MAD1L1: variants seen among roughly 807,000 people sequenced by gnomAD.
MAD1L1 encodes the protein mitotic spindle assembly checkpoint protein MAD1.
Under a neutral mutation model 96.9 loss-of-function variants are expected in MAD1L1, and 95 were observed. The ratio of observed to expected loss-of-function variants is 0.98; its 90% CI spans 0.83 to 1.16. The LOEUF is 1.16. Ranked by LOEUF, MAD1L1 falls within the 50% of genes most tolerant of loss-of-function variation. The probability of loss-of-function intolerance (pLI) is 0.00; values close to 1 mark genes in which losing one functional copy is unlikely to be tolerated. For synonymous variants in MAD1L1, 473 were observed against 396.6 expected, an observed-to-expected ratio of 1.19 and a Z score of -2.29; for missense variants, 1,007 against 954.4, an observed-to-expected ratio of 1.06 and a Z score of -0.73.
At chr7:1,901,793 G>C (rs1043735377) in intron 17 of MAD1L1, among the ~76,000 whole-genome samples, 1 of 152,180 alleles carries the variant, frequency 6.6e-6, no homozygotes, top group African/African-American at 2.4e-5. Flanking sequence ...TGCCTTCCCT[G>C]CCCGGGGATG....
chr7:1,949,643 G>A (rs984146450), intron 16 of MAD1L1, among the ~76,000 whole-genome samples: 28 of 152,214 alleles, frequency 1.8e-4, no homozygotes, highest in African/African-American at 6.5e-4. Flanking sequence ...ACAGGCACCG[G>A]CAGGGCCCTG....
chr7:2,161,265 C>A (rs1790107044), intron 10 of MAD1L1, among the ~76,000 whole-genome samples: 1 of 151,830 alleles, frequency 6.6e-6, no homozygotes, highest in South Asian at 2.1e-4. Context: ...CGCCGCCAAG[C>A]CTGACTGGTT....
At chr7:2,175,493 C>CAAAAA (rs143638196) in intron 10 of MAD1L1, 2 of 90,930 alleles carry the variant, frequency 2.2e-5, no homozygotes, top group African/African-American at 3.8e-5. Context: ...GAACCTTTGC[C>CAAAAA]AAAAAAAAAA....
chr7:1,904,482 C>T (rs1483791585), intron 17 of MAD1L1, among the ~76,000 whole-genome samples: 7 of 126,366 alleles, frequency 5.5e-5, no homozygotes, highest in East Asian at 4.9e-4. Flanking sequence ...TTCCAGGCAG[C>T]GAGGACGCAG....
chr7:1,953,024 G>A (rs549041561), intron 16 of MAD1L1, among the ~76,000 whole-genome samples: 2 of 152,296 alleles, frequency 1.3e-5, no homozygotes, highest in East Asian at 3.9e-4. Context: ...AGGAGGGAAC[G>A]CGGCCCTCTC....
At chr7:1,900,232 C>T (rs116216352) in intron 17 of MAD1L1, among the ~76,000 whole-genome samples, 1 of 152,384 alleles carries the variant, frequency 6.6e-6, no homozygotes, top group African/African-American at 2.4e-5. Context: ...CGCTGCTTAG[C>T]TGCAAAAGCA....
chr7:2,014,639 G>A lies in MAD1L1; in HGVS notation c.1222C>T (p.Arg408Trp), dbSNP rs761600035. Reference protein sequence around the residue: ...QKRVLLLTKERDGMRAILGSY... With the variant: ...QKRVLLLTKEWDGMRAILGSY... ...CCCAGGATGGCCCGCATACCGTCCC[G>A]CTCCTGTGGACACAGAGGGCAGCTG... Residue 408 changes from arginine to tryptophan, a missense_variant, in exon 13 of 19, where the codon CGG becomes TGG. Physicochemically the swap from Arg to Trp is moderately radical, Grantham distance 101. Coordinates refer to ENST00000265854, the MANE Select transcript of MAD1L1 (RefSeq NM_001013836.2). 3.7e-6 allele frequency: 6 copies of A among 1,608,760 alleles called. No individual in the cohort carries two copies. The highest frequency in any genetic ancestry group is 3.4e-5 in the Admixed American group (2 of 59,624).
chr7:2,120,597 C>G (rs1449014053), intron 11 of MAD1L1, among the ~76,000 whole-genome samples: 1 of 152,266 alleles, frequency 6.6e-6, no homozygotes, highest in Non-Finnish European at 1.5e-5. Flanking sequence ...CTTGCCCACC[C>G]CACCCAGAGG....
At chr7:2,097,971 C>T (rs6979817) in intron 11 of MAD1L1, among the ~76,000 whole-genome samples, 7,701 of 152,322 alleles carry the variant, frequency 0.051, 634 homozygotes, top group African/African-American at 0.17. Flanking sequence ...GCACGCTCAG[C>T]AGCGCGGTGT....
intron 11 of MAD1L1, among the ~76,000 whole-genome samples, chr7:2,080,269 A>G (rs1431025790): frequency 3.3e-5 from 5 of 152,354 alleles, no homozygotes; most frequent in Admixed American, 2.0e-4. Flanking sequence ...CAAAAAGCCA[A>G]AAGTATTTAC....
intron 15 of MAD1L1, among the ~76,000 whole-genome samples, chr7:1,976,701 G>C (rs1403507483): frequency 6.6e-6 from 1 of 152,196 alleles, no homozygotes; most frequent in African/African-American, 2.4e-5. Flanking sequence ...TTTACAGAAA[G>C]CTGATTGGTC....
intron 17 of MAD1L1, among the ~76,000 whole-genome samples, chr7:1,910,428 G>A (rs543179776): frequency 2.6e-5 from 4 of 152,358 alleles, no homozygotes; most frequent in South Asian, 2.1e-4. Context: ...CGTCCGACGC[G>A]TCAGCACAGG....
intron 10 of MAD1L1, among the ~76,000 whole-genome samples, chr7:2,156,531 G>C (rs2128585285): frequency 6.6e-6 from 1 of 152,272 alleles, no homozygotes; most frequent in East Asian, 1.9e-4. Context: ...TAAATAGAGA[G>C]GGGAGGCTGG....
intron 11 of MAD1L1, chr7:2,089,013 T>C (rs10242757): frequency 0.081 from 12,264 of 152,336 alleles, 595 homozygotes; most frequent in African/African-American, 0.13. Context: ...ACTCCACTGA[T>C]GGCCTGAAGG....
At chr7:1,874,554 A>T (rs1471281103) in intron 18 of MAD1L1, 12 of 454,928 alleles carry the variant, frequency 2.6e-5, no homozygotes, top group South Asian at 1.7e-4. Flanking sequence ...CCTTAAAAAA[A>T]AAAATAAAAG....
chr7:2,012,584 A>G (rs1319547588), intron 13 of MAD1L1, among the ~76,000 whole-genome samples: 1 of 152,204 alleles, frequency 6.6e-6, no homozygotes, highest in African/African-American at 2.4e-5. Flanking sequence ...AAGGAAAGCC[A>G]GGAGCGGGAG....
intron 10 of MAD1L1, among the ~76,000 whole-genome samples, chr7:2,170,043 G>A (rs529529125): frequency 1.8e-4 from 27 of 152,332 alleles, no homozygotes; most frequent in African/African-American, 6.5e-4. Flanking sequence ...CCTGCCTCCC[G>A]GACTCGTGCC....
At chr7:1,974,061 A>G (rs1008340790) in intron 15 of MAD1L1, among the ~76,000 whole-genome samples, 5 of 152,198 alleles carry the variant, frequency 3.3e-5, no homozygotes, top group African/African-American at 9.7e-5. Context: ...CACATCCTGC[A>G]TAAGATCTCC....
chr7:1,917,226 G>A (rs1008400028), intron 17 of MAD1L1, among the ~76,000 whole-genome samples: 1 of 152,198 alleles, frequency 6.6e-6, no homozygotes, highest in Non-Finnish European at 1.5e-5. Flanking sequence ...GCCGCGGCAT[G>A]GAGCCACCCG....
Sources: gnomAD v4.1 joint callset for allele counts (sites outside exome capture counted in the v4.1 genomes callset) on GRCh38, gnomAD v4.1.1 for gene constraint, MANE v1.5 for transcripts, NCBI Gene and HGNC (gene_info 2026-07-23, HGNC 2026-07-21) for gene names.